ZNF219: variants seen among roughly 807,000 people sequenced by gnomAD.
ZNF219 encodes the protein zinc finger protein 219.
ZNF219 carries 17 observed loss-of-function variants against 54.4 expected under a neutral mutation model. That is an observed-to-expected ratio of 0.31 (90% CI 0.21 to 0.47). The LOEUF is 0.47. ZNF219 is among the 20% of genes least tolerant of loss of function. The pLI is 1.00. For synonymous variants in ZNF219, 518 were observed against 476.4 expected (o/e 1.09, Z -1.14); for missense variants, 1,014 against 1,062.3 (o/e 0.95, Z 0.63).
At chr14:21,097,672 G>A (rs1051906502) in intron 1 of ZNF219, among the ~76,000 whole-genome samples, 2 of 152,292 alleles carry the variant, frequency 1.3e-5, no homozygotes, top group South Asian at 2.1e-4. Flanking sequence ...ATGATGGGGG[G>A]CAGGGTTGGG....
chr14:21,102,335 G>A, upstream of ZNF219: 1 of 1,519,932 alleles, frequency 6.6e-7, no homozygotes, highest in African/African-American at 1.4e-5. Context: ...TCTTCAGCTA[G>A]GCTGCAAGTG....
chr14:21,103,457 C>A, upstream of ZNF219: 2 of 837,438 alleles, frequency 2.4e-6, no homozygotes, highest in Non-Finnish European at 3.6e-6. Context: ...AAGCTGCTTT[C>A]TCCCTTGCAT....
upstream of ZNF219, chr14:21,103,027 C>A: frequency 1.3e-6 from 2 of 1,514,296 alleles, no homozygotes; most frequent in Admixed American, 2.0e-5. Flanking sequence ...TAAATATTGG[C>A]AGGACTATGG....
At position 21,090,751 on chromosome 14, in the gene ZNF219, G is replaced by C; in HGVS notation, c.1954C>G (p.Pro652Ala). Reference sequence around the variant, plus strand: ...AGCTCTGGGGCTCCAGTGGCGAACGGGCAGAAGAGGCAGCGGTGGAGGGCA... The same window carrying C: ...AGCTCTGGGGCTCCAGTGGCGAACGCGCAGAAGAGGCAGCGGTGGAGGGCA... ...GGALHRCLFC[P>A]FATGAPELMA... Residue 652 changes from proline (P) to alanine (A), a missense_variant, in exon 5 of 5, where the codon CCG becomes GCG. Pro to Ala is a conservative substitution (Grantham distance 27). Transcript: ENST00000360947. The surrounding 1 kb of genome is among the most constrained non-coding windows in gnomAD (Gnocchi z 4.4). The C allele has an allele frequency of 6.2e-7, 1 of 1,606,666 alleles. No homozygotes were observed. The highest frequency in any genetic ancestry group is 8.5e-7 in the Non-Finnish European group (1 of 1,177,498).
rs1231415827 is a variant in ZNF219, at chr14:21,092,575, C to A, written c.722G>T (p.Arg241Ile). The A allele has an allele frequency of 6.5e-7, 1 of 1,546,888 alleles. No individual in the cohort carries two copies. Among genetic ancestry groups the A allele is most frequent in the Non-Finnish European group, 8.7e-7 (1 of 1,146,520 alleles). Reference protein sequence around the residue: ...QPQPPPQPEPRSVPQPEPEPE... With the variant: ...QPQPPPQPEPISVPQPEPEPE... Reference sequence around the variant, plus strand: ...CTCCGGCTCCGGCTGGGGGACTGATCTGGGTTCGGGCTGGGGTGGAGGCTG... The same window carrying A: ...CTCCGGCTCCGGCTGGGGGACTGATATGGGTTCGGGCTGGGGTGGAGGCTG... The change falls in exon 3 of 5, where the codon AGA (arginine) becomes ATA (isoleucine). Residue 241 changes from arginine (R) to isoleucine (I), a missense_variant. Physicochemically the swap from Arg to Ile is moderately conservative, Grantham distance 97. Around this residue, in one of 5 missense-constraint regions of ZNF219, gnomAD observed 395 missense variants for 415.1 expected, o/e 0.95. Coordinates refer to ENST00000360947, the MANE Select transcript of ZNF219 (RefSeq NM_016423.3).
At position 21,090,668 on chromosome 14, in the gene ZNF219, G is replaced by A. The variant is rs1183096181; in HGVS notation, c.2037C>T (p.Pro679=). 11 of 1,612,308 alleles carry A rather than the reference G, an allele frequency of 6.8e-6. No homozygotes were observed. Among genetic ancestry groups the A allele is most frequent in the Non-Finnish European group, 8.5e-6 (10 of 1,179,782 alleles). Residue 679 remains proline, a synonymous_variant, in exon 5 of 5, where the codon CCC becomes CCT. Transcript: ENST00000360947. The surrounding 1 kb of genome is among the most constrained non-coding windows in gnomAD (Gnocchi z 4.4). The part of the protein sequence containing the change: ...HSRRARGRRP[P]QADASPPYAR... ...CATAGGGCGGGGACGCGTCAGCCTGGGGTGGCCGGCGGCCCCTAGCCCGGC... is the reference window on the plus strand; with the variant it reads ...CATAGGGCGGGGACGCGTCAGCCTGAGGTGGCCGGCGGCCCCTAGCCCGGC...
intron 1 of ZNF219, among the ~76,000 whole-genome samples, chr14:21,097,109 A>ATACT (rs974960682): frequency 2.0e-5 from 3 of 152,204 alleles, no homozygotes; most frequent in African/African-American, 7.2e-5. Context: ...ACACACCAGT[A>ATACT]GTTCACTTTT....
chr14:21,103,193 A>G, upstream of ZNF219: 3 of 1,551,692 alleles, frequency 1.9e-6, no homozygotes, highest in Non-Finnish European at 2.6e-6. Context: ...CACGGTGGCC[A>G]GCACAGGAGC....
rs1231070557 is a variant in ZNF219 at position 21,092,273 on chromosome 14, G to GGGCAGGCCCGGA, written c.1012_1023dup (p.Ser338_Ala341dup). ...CCGAGGTCAGGAGGCTGGGGGGCGC[G>GGGCAGGCCCGGA]GGCAGGCCCGGAGGCAGGCCCCGGG... On this transcript the variant is annotated inframe_insertion, in exon 3 of 5. Coordinates refer to ENST00000360947, the MANE Select transcript of ZNF219 (RefSeq NM_016423.3). 3 of 1,486,776 alleles carry GGGCAGGCCCGGA rather than the reference G, an allele frequency of 2.0e-6. No homozygotes were observed. Among genetic ancestry groups the GGGCAGGCCCGGA allele is most frequent in the Non-Finnish European group, 2.7e-6 (3 of 1,120,970 alleles). 92.1% of individuals were successfully genotyped at this position (1,486,776 alleles called of 1,614,324 possible).
At chr14:21,099,878 C>T (rs1360818272), upstream of ZNF219, among the ~76,000 whole-genome samples, 1 of 152,106 alleles carries the variant, frequency 6.6e-6, no homozygotes, top group African/African-American at 2.4e-5. Flanking sequence ...GTTCTGCTTC[C>T]GACTGTAGAA....
chr14:21,091,186 A>T (rs371646677), intron 4 of ZNF219, 46 bp from the exon 5 acceptor site: 71 of 1,556,796 alleles, frequency 4.6e-5, no homozygotes, highest in Non-Finnish European at 6.1e-5. Flanking sequence ...CGATGACTGC[A>T]CGCACCCACC....
At chr14:21,098,866 A>G (rs1397902443), upstream of ZNF219, 1 of 1,285,292 alleles carries the variant, frequency 7.8e-7, no homozygotes, top group African/African-American at 1.5e-5. Flanking sequence ...AGACTCGGGA[A>G]GTTCTTCCTG....
upstream of ZNF219, among the ~76,000 whole-genome samples, chr14:21,099,711 GGCTAA>G (rs1435948660): frequency 6.6e-6 from 1 of 152,154 alleles, no homozygotes; most frequent in Non-Finnish European, 1.5e-5. Context: ...CCAGGTACTG[GGCTAA>G]GCTCTCTTCC....
chr14:21,092,627 C>G lies in ZNF219; in HGVS notation c.670G>C (p.Ala224Pro), dbSNP rs371532876. The G allele has an allele frequency of 6.4e-7, 1 of 1,556,724 alleles. No homozygotes were observed. The highest frequency in any genetic ancestry group is 1.3e-5 in the African/African-American group (1 of 74,084). ...GGCTGAGGCTGAGGCGGAGGCGCAG[C>G]GGAGGTGGCCGCCAGGGGACGCTCG... ...APERPLAATS[A>P]APPPQPQPQP... is the part of the protein sequence containing the mutation. The change falls in exon 3 of 5, where the codon GCT (alanine) becomes CCT (proline). Residue 224 changes from alanine to proline, a missense_variant. By Grantham distance (27) the Ala-to-Pro change is conservative. Transcript: ENST00000360947.
chr14:21,091,442 A>G lies in ZNF219; in HGVS notation c.1533T>C (p.His511=), dbSNP rs1206419704. 8 of 1,607,822 alleles carry G rather than the reference A, an allele frequency of 5.0e-6. No homozygotes were observed. The South Asian group carries it at 7.7e-5, about 15-fold the overall frequency. ...PFCGKSFRSA[H]HLKVHLRVHT... is the part of the protein sequence containing the mutation. Reference sequence around the variant, plus strand: ...GCACTCGCAGATGCACTTTGAGGTGATGTGCTGAGCGGAAAGATTTTCCGC... The same window carrying G: ...GCACTCGCAGATGCACTTTGAGGTGGTGTGCTGAGCGGAAAGATTTTCCGC... The change falls in exon 4 of 5, where the codon CAT becomes CAC. Residue 511 remains histidine, a synonymous_variant. Transcript: ENST00000360947.
Position 21,093,236 on chromosome 14 carries a change from C to G in ZNF219, c.61G>C (p.Asp21His). ...GHLAPSPPAF[D>H]GELDLQRYSN... ...TATCGCTGCAGATCCAGCTCGCCGT[C>G]GAAAGCCGGCGGCGACGGCGCTAAG... Residue 21 changes from aspartate (D) to histidine (H), a missense_variant, in exon 3 of 5, where the codon GAC (aspartate) becomes CAC (histidine). Physicochemically the swap from Asp to His is moderately conservative, Grantham distance 81. This residue lies in a region of ZNF219 where 395 missense variants were observed against 415.1 expected (regional missense o/e 0.95). Coordinates refer to ENST00000360947, the MANE Select transcript of ZNF219 (RefSeq NM_016423.3). The G allele has an allele frequency of 1.9e-6, 3 of 1,601,256 alleles. No homozygotes were observed. Among genetic ancestry groups the G allele is most frequent in the Non-Finnish European group, 2.5e-6 (3 of 1,178,922 alleles).
chr14:21,098,857 G>A, upstream of ZNF219: 1 of 1,286,706 alleles, frequency 7.8e-7, no homozygotes, highest in Non-Finnish European at 1.0e-6. Context: ...AACATGCACA[G>A]ACTCGGGAAG....
upstream of ZNF219, chr14:21,098,726 G>C (rs1345448675): frequency 8.4e-7 from 1 of 1,184,440 alleles, no homozygotes; most frequent in African/African-American, 1.6e-5. Context: ...TCCAACAGGA[G>C]ACTGGAAGAG....
Position 21,098,371 on chromosome 14 carries a change from G to T in ZNF219, c.-143C>A. On this transcript the variant is annotated 5_prime_UTR_variant, in exon 1 of 5. Coordinates refer to ENST00000360947, the MANE Select transcript of ZNF219 (RefSeq NM_016423.3). ...GCGGCGGCGGCGGCGGCGGGCGGCG[G>T]GCCGGCGGCGCGGGCGTCAGCGTTA... is the stretch of plus-strand genomic sequence containing the variant. The T allele has an allele frequency of 4.2e-6, 2 of 471,528 alleles. No homozygotes were observed. Among genetic ancestry groups the T allele is most frequent in the Non-Finnish European group, 5.5e-6 (2 of 364,498 alleles). 29.2% of individuals were successfully genotyped at this position (471,528 alleles called of 1,614,324 possible).
Sources: gnomAD v4.1 joint callset for allele counts (sites outside exome capture counted in the v4.1 genomes callset) on GRCh38, gnomAD v4.1.1 for gene constraint, gnomAD v4.1.1 regional missense constraint, Gnocchi (gnomAD v3.1) non-coding constraint, MANE v1.5 for transcripts, NCBI Gene and HGNC (gene_info 2026-07-23, HGNC 2026-07-21) for gene names.